Variants in TMEM131L observed in about 807,000 individuals in gnomAD.
TMEM131L encodes transmembrane protein 131-like.
TMEM131L carries 54 observed loss-of-function variants against 192.2 expected under a neutral mutation model. The observed-to-expected ratio is 0.28, with a 90% confidence interval of 0.23 to 0.35. The LOEUF (loss-of-function observed/expected upper bound fraction) is 0.35, where lower values mean the gene tolerates loss of function less well. Among genes scored for constraint, TMEM131L ranks in the 10% least tolerant of loss-of-function variants. The pLI is 1.00. For missense variants in TMEM131L, 1,888 were observed against 1,972.9 expected, an observed-to-expected ratio of 0.96 and a Z score of 0.82; for synonymous variants, 701 against 704.9, an observed-to-expected ratio of 0.99 and a Z score of 0.09.
At chr4:153,582,559 A>G (rs1252499121) in intron 9 of TMEM131L, among the ~76,000 whole-genome samples, 1 of 148,596 alleles carries the variant, frequency 6.7e-6, no homozygotes, top group East Asian at 2.0e-4. Flanking sequence ...GATTGCAAGC[A>G]TGAGCCACCG....
intron 7 of TMEM131L, among the ~76,000 whole-genome samples, chr4:153,569,303 C>A (rs1472319884): frequency 1.3e-5 from 2 of 152,192 alleles, no homozygotes; most frequent in African/African-American, 4.8e-5. Flanking sequence ...GAGAGCCAAC[C>A]CCTCCCCTGA....
chr4:153,589,433 T>G (rs187452405), intron 16 of TMEM131L, among the ~76,000 whole-genome samples: 1 of 152,274 alleles, frequency 6.6e-6, no homozygotes, highest in Non-Finnish European at 1.5e-5. Flanking sequence ...ACTAAGTGAC[T>G]AGCAGGCAGG....
intron 19 of TMEM131L, among the ~76,000 whole-genome samples, chr4:153,594,355 A>G (rs922251264): frequency 1.1e-4 from 16 of 152,222 alleles, no homozygotes; most frequent in Admixed American, 8.5e-4. Context: ...GTGGGCAGTC[A>G]TGAGGTCTTG....
chr4:153,538,766 C>A (rs1269205135), intron 3 of TMEM131L, among the ~76,000 whole-genome samples: 1 of 152,242 alleles, frequency 6.6e-6, no homozygotes, highest in Non-Finnish European at 1.5e-5. Context: ...AGAGTGTTTT[C>A]TCTCTCCTGA....
chr4:153,471,891 C>G (rs768405807), intron 2 of TMEM131L, among the ~76,000 whole-genome samples: 11 of 152,182 alleles, frequency 7.2e-5, no homozygotes, highest in Non-Finnish European at 1.6e-4. Context: ...TTTCCCGCAT[C>G]TTAAGTCAGA....
intron 25 of TMEM131L, among the ~76,000 whole-genome samples, chr4:153,609,897 T>C (rs1432528644): frequency 6.6e-6 from 1 of 152,238 alleles, no homozygotes; most frequent in Non-Finnish European, 1.5e-5. Flanking sequence ...GCTTTCTTTT[T>C]CTGGTACGGA....
At chr4:153,527,367 G>T (rs938211278) in intron 3 of TMEM131L, among the ~76,000 whole-genome samples, 2 of 152,018 alleles carry the variant, frequency 1.3e-5, no homozygotes, top group Non-Finnish European at 2.9e-5. Context: ...CCGCCTCCTG[G>T]GTTCAAGCAA....
intron 8 of TMEM131L, 50 bp downstream of exon 8, chr4:153,580,953 G>T (rs1233231414): frequency 1.5e-6 from 2 of 1,331,622 alleles, no homozygotes; most frequent in East Asian, 4.6e-5. Flanking sequence ...CTGCCTCTTT[G>T]CTTAAAAATA....
chr4:153,561,617 C>T (rs1042165690), intron 7 of TMEM131L, among the ~76,000 whole-genome samples: 4 of 152,286 alleles, frequency 2.6e-5, no homozygotes, highest in African/African-American at 9.6e-5. Context: ...GTTGAAAAGA[C>T]AGTTCTTTGT....
intron 3 of TMEM131L, among the ~76,000 whole-genome samples, chr4:153,497,393 T>C (rs1733251538): frequency 6.6e-6 from 1 of 152,076 alleles, no homozygotes; most frequent in Non-Finnish European, 1.5e-5. Context: ...TTTTTCTGAG[T>C]TAGGCCTCAT....
chr4:153,595,146 GA>G (rs1427769595), intron 19 of TMEM131L, among the ~76,000 whole-genome samples: 1 of 152,096 alleles, frequency 6.6e-6, no homozygotes, highest in African/African-American at 2.4e-5. Context: ...TCAGTGCCTT[GA>G]AAACACTGAG....
intron 30 of TMEM131L, 34 bp from the exon 31 acceptor site, chr4:153,627,571 A>AT: frequency 1.9e-6 from 3 of 1,541,258 alleles, no homozygotes; most frequent in Non-Finnish European, 2.7e-6. Context: ...TGCAGAAAAA[A>AT]TGAGTCGTTC....
intron 3 of TMEM131L, among the ~76,000 whole-genome samples, chr4:153,508,589 C>T (rs186585731): frequency 1.3e-5 from 2 of 152,212 alleles, no homozygotes; most frequent in East Asian, 3.9e-4. Context: ...ATAATGTTTT[C>T]CACTAAATAG....
chr4:153,558,554 C>G (rs1728637721), intron 7 of TMEM131L, 186 bp downstream of exon 7: 1 of 407,348 alleles, frequency 2.5e-6, no homozygotes, highest in South Asian at 6.9e-5. Flanking sequence ...GTTGATATTC[C>G]AGAGTTTGCT....
intron 3 of TMEM131L, among the ~76,000 whole-genome samples, chr4:153,510,227 T>TA (rs572996159): frequency 6.6e-6 from 1 of 152,220 alleles, no homozygotes; most frequent in South Asian, 2.1e-4. Flanking sequence ...GCTGGTGACT[T>TA]AGAGTAGTGG....
intron 3 of TMEM131L, among the ~76,000 whole-genome samples, chr4:153,524,219 C>T (rs1027205320): frequency 1.0e-4 from 15 of 147,838 alleles, no homozygotes; most frequent in Non-Finnish European, 7.4e-5. Flanking sequence ...ATTCTCAGAG[C>T]TTTGCATTCT....
At chr4:153,542,030 AT>A (rs1426030350) in intron 3 of TMEM131L, among the ~76,000 whole-genome samples, 2 of 152,216 alleles carry the variant, frequency 1.3e-5, no homozygotes, top group African/African-American at 4.8e-5. Flanking sequence ...CCCTTTCCGA[AT>A]CCAGGAGGGA....
chr4:153,585,065 G>T, intron 12 of TMEM131L, 134 bp downstream of exon 12: 1 of 695,664 alleles, frequency 1.4e-6, no homozygotes, highest in Non-Finnish European at 2.5e-6. Context: ...CCTTGCCTTA[G>T]CATTGCTAAC....
At position 153,595,821 on chromosome 4, in the gene TMEM131L, T is replaced by C. The variant is rs181022144; in HGVS notation, c.1996-437T>C. Among the ~76,000 whole-genome samples, 5 of 152,302 alleles carry C rather than the reference T, an allele frequency of 3.3e-5. No homozygotes were observed. In the East Asian group the frequency reaches 9.6e-4, roughly 29 times the overall value. On this transcript the variant is annotated intron_variant, in intron 19 of 34. Coordinates refer to ENST00000409959, the MANE Select transcript of TMEM131L (RefSeq NM_001131007.2). ...CTAAATATAATAAAGATGATTTCTA[T>C]ATAAACTTAAATTCAGTATAAAGAA...
Sources: allele counts gnomAD v4.1 joint callset (sites outside exome capture counted in the v4.1 genomes callset), GRCh38; gene constraint gnomAD v4.1.1; transcripts MANE v1.5; gene names NCBI Gene and HGNC (gene_info 2026-07-23, HGNC 2026-07-21).